Variants in SPECC1 observed in about 807,000 individuals in gnomAD.
The protein encoded by SPECC1 is sperm antigen with calponin homology and coiled-coil domains 1, also known as cytospin-B.
In SPECC1, 62 loss-of-function variants were observed where a neutral mutation model predicts 104.1. The observed-to-expected ratio is 0.60, with a 90% CI of 0.49 to 0.74. SPECC1 has a LOEUF of 0.74. Ranked by LOEUF, SPECC1 falls within the 30% of genes least tolerant of loss-of-function variation. The pLI, the probability that SPECC1 is intolerant of heterozygous loss-of-function variation, is 0.00. For missense variants in SPECC1, 1,306 were observed against 1,310.5 expected (o/e 1.00, Z 0.05); for synonymous variants, 513 against 501.6 (o/e 1.02, Z -0.30).
At chr17:20,219,775 C>T (rs1003783332) in intron 4 of SPECC1, among the ~76,000 whole-genome samples, 8 of 152,008 alleles carry the variant, frequency 5.3e-5, no homozygotes, top group African/African-American at 1.7e-4. Flanking sequence ...TGGAGAGTTT[C>T]CCCAATGTTG....
intron 1 of SPECC1, among the ~76,000 whole-genome samples, chr17:20,037,563 T>C (rs141824122): frequency 7.4e-4 from 112 of 152,106 alleles, no homozygotes; most frequent in Non-Finnish European, 1.3e-3. Context: ...GCTGTCCTTA[T>C]ACAGTTCTAG....
chr17:20,140,492 G>A (rs1260041592), intron 3 of SPECC1, among the ~76,000 whole-genome samples: 1 of 152,108 alleles, frequency 6.6e-6, no homozygotes, highest in Non-Finnish European at 1.5e-5. Context: ...TTGAGGAAGC[G>A]ATATCTCTCC....
intron 7 of SPECC1, chr17:20,239,450 A>G (rs2039092541): frequency 4.0e-6 from 1 of 249,124 alleles, no homozygotes; most frequent in Non-Finnish European, 6.6e-6. Context: ...TTTTTATTTT[A>G]TCATATCATA....
intron 3 of SPECC1, among the ~76,000 whole-genome samples, chr17:20,189,044 G>A (rs1481011973): frequency 6.6e-6 from 1 of 152,156 alleles, no homozygotes; most frequent in Admixed American, 6.5e-5. Flanking sequence ...GGAAGTCAGG[G>A]CCTGATTATG....
At chr17:20,212,593 T>TA (rs2037224766) in intron 4 of SPECC1, among the ~76,000 whole-genome samples, 1 of 152,134 alleles carries the variant, frequency 6.6e-6, no homozygotes, top group South Asian at 2.1e-4. Flanking sequence ...CTGATTCAAT[T>TA]ACCTCCCACT....
In SPECC1 at chr17:20,304,348, C is replaced by G. The variant is rs1322945498; in HGVS notation, c.3058-1675C>G. Among the ~76,000 whole-genome samples, 19 of 150,702 alleles carry G rather than the reference C, an allele frequency of 1.3e-4. 1 individual carries two copies. The highest frequency in any genetic ancestry group is 1.3e-3 in the Admixed American group (19 of 15,088). On this transcript the variant is annotated intron_variant, in intron 13 of 14. Transcript: ENST00000395527. Reference sequence around the variant, plus strand: ...TGAATATGTAGAGAAACATTTATATCTCAATTATACTTAATATAACAATTT... The same window carrying G: ...TGAATATGTAGAGAAACATTTATATGTCAATTATACTTAATATAACAATTT...
At chr17:20,259,236 T>C (rs901901950) in intron 11 of SPECC1, among the ~76,000 whole-genome samples, 7 of 152,246 alleles carry the variant, frequency 4.6e-5, no homozygotes, top group African/African-American at 1.7e-4. Context: ...ATACTACATA[T>C]TGTCCTGTTT....
intron 5 of SPECC1, among the ~76,000 whole-genome samples, chr17:20,229,501 CAAAAA>C (rs936137429): frequency 2.6e-5 from 4 of 151,794 alleles, no homozygotes; most frequent in Admixed American, 6.6e-5. Flanking sequence ...CCTGTCTTGA[CAAAAA>C]AATAAAATAA....
intron 12 of SPECC1, among the ~76,000 whole-genome samples, chr17:20,286,432 TTTC>T (rs1263814637): frequency 6.6e-6 from 1 of 152,098 alleles, no homozygotes; most frequent in African/African-American, 2.4e-5. Flanking sequence ...GTGGTCTGTG[TTTC>T]TTCTTAGTTT....
intron 3 of SPECC1, among the ~76,000 whole-genome samples, chr17:20,147,692 C>T (rs1284469335): frequency 2.0e-5 from 3 of 152,042 alleles, no homozygotes; most frequent in Non-Finnish European, 2.9e-5. Flanking sequence ...GTGTATGTTG[C>T]GGCTTTTCAT....
At chr17:20,091,901 G>T (rs745891447) in intron 1 of SPECC1, among the ~76,000 whole-genome samples, 2 of 152,164 alleles carry the variant, frequency 1.3e-5, no homozygotes, top group Non-Finnish European at 2.9e-5. Flanking sequence ...GGATAATGAA[G>T]CTGAGGCCCG....
At chr17:20,132,230 C>T (rs755474734) in intron 3 of SPECC1, among the ~76,000 whole-genome samples, 12 of 152,006 alleles carry the variant, frequency 7.9e-5, no homozygotes, top group Non-Finnish European at 1.8e-4. Context: ...TGCCTTGTAC[C>T]CTCTAAAGTC....
intron 1 of SPECC1, among the ~76,000 whole-genome samples, 151 bp from the exon 2 acceptor site, chr17:20,096,480 A>G (rs2047648060): frequency 6.6e-6 from 1 of 152,238 alleles, no homozygotes; most frequent in African/African-American, 2.4e-5. Context: ...CTATAAACCC[A>G]TCTTAGGAAT....
intron 3 of SPECC1, among the ~76,000 whole-genome samples, chr17:20,188,077 G>A (rs1470209279): frequency 6.6e-6 from 1 of 152,144 alleles, no homozygotes; most frequent in Non-Finnish European, 1.5e-5. Context: ...CTGTCTAGTG[G>A]TGGGTTTCCT....
At chr17:20,284,065 C>A (rs1171262614) in intron 12 of SPECC1, among the ~76,000 whole-genome samples, 1 of 152,008 alleles carries the variant, frequency 6.6e-6, no homozygotes, top group Non-Finnish European at 1.5e-5. Flanking sequence ...TAAGCCTATT[C>A]TTCTATATTT....
At chr17:20,032,267 A>G (rs1473189803) in intron 1 of SPECC1, among the ~76,000 whole-genome samples, 3 of 152,038 alleles carry the variant, frequency 2.0e-5, no homozygotes, top group Non-Finnish European at 1.5e-5. Flanking sequence ...TATTTATCCT[A>G]CTTGGAATTC....
chr17:20,226,693 T>A (rs558600888), intron 4 of SPECC1, among the ~76,000 whole-genome samples: 1 of 152,324 alleles, frequency 6.6e-6, no homozygotes, highest in South Asian at 2.1e-4. Context: ...AATTAAAAAA[T>A]TGAACAGATG....
intron 1 of SPECC1, among the ~76,000 whole-genome samples, chr17:20,094,334 C>T (rs1315848778): frequency 1.3e-5 from 2 of 152,252 alleles, no homozygotes; most frequent in African/African-American, 2.4e-5. Context: ...AAGGAGGCTG[C>T]GTGTTCGTCA....
intron 7 of SPECC1, among the ~76,000 whole-genome samples, chr17:20,243,633 G>A (rs1366505409): frequency 2.6e-5 from 4 of 152,016 alleles, no homozygotes; most frequent in African/African-American, 7.3e-5. Context: ...AAATTATACA[G>A]GGTTTTCTCA....
Sources: allele counts gnomAD v4.1 joint callset (sites outside exome capture counted in the v4.1 genomes callset), GRCh38; gene constraint gnomAD v4.1.1; transcripts MANE v1.5; gene names NCBI Gene and HGNC (gene_info 2026-07-23, HGNC 2026-07-21).